AGBL3: variants seen among roughly 807,000 people sequenced by gnomAD.
AGBL3 encodes AGBL carboxypeptidase 3.
AGBL3 carries 68 observed loss-of-function variants against 94.5 expected under a neutral mutation model. That is an observed-to-expected ratio of 0.72 (90% CI 0.59 to 0.88). AGBL3 has a LOEUF of 0.88. AGBL3 is among the 40% of genes least tolerant of loss of function. AGBL3 has a pLI of 0.00. For missense variants in AGBL3, 934 were observed against 1,103.8 expected, an observed-to-expected ratio of 0.85 and a Z score of 2.18; for synonymous variants, 354 against 370.7, an observed-to-expected ratio of 0.95 and a Z score of 0.52.
intron 12 of AGBL3, among the ~76,000 whole-genome samples, chr7:135,073,821 T>C (rs1372659160): frequency 6.6e-6 from 1 of 152,124 alleles, no homozygotes; most frequent in African/African-American, 2.4e-5. Context: ...AATAAGCGAT[T>C]AGGTCAGGGG....
At position 135,110,837 on chromosome 7, in the gene AGBL3, T is replaced by C. The variant is rs528234964; in HGVS notation, c.2111-4543T>C. Among the ~76,000 whole-genome samples the C allele has an allele frequency of 2.4e-4, 37 of 152,308 alleles. 2 individuals are homozygous for C. In the South Asian group the frequency reaches 7.0e-3, roughly 29 times the overall value. On this transcript the variant is annotated intron_variant, in intron 15 of 16. Coordinates refer to ENST00000436302, the MANE Select transcript of AGBL3 (RefSeq NM_178563.4). Reference sequence around the variant, plus strand: ...AAACTCGTTTTGCCTCCTTATCCTTTGACTAAGCCAATGCTGAACAACTGC... The same window carrying C: ...AAACTCGTTTTGCCTCCTTATCCTTCGACTAAGCCAATGCTGAACAACTGC...
At chr7:134,987,798 A>G (rs1809663295) in intron 1 of AGBL3, 77 bp from the exon 2 acceptor site, 5 of 636,148 alleles carry the variant, frequency 7.9e-6, no homozygotes, top group Non-Finnish European at 1.1e-5. Context: ...AATACAATTG[A>G]ATATATTTTT....
intron 4 of AGBL3, chr7:135,009,921 G>A (rs1374625489): frequency 2.7e-6 from 1 of 364,564 alleles, no homozygotes; most frequent in Non-Finnish European, 5.2e-6. Context: ...GCAGACTTTG[G>A]AGCATTTGGT....
intron 15 of AGBL3, among the ~76,000 whole-genome samples, chr7:135,114,661 T>C (rs1024476292): frequency 8.5e-5 from 13 of 152,072 alleles, no homozygotes; most frequent in African/African-American, 3.1e-4. Flanking sequence ...TTCTCACCCT[T>C]CTAGCCATTT....
At chr7:135,016,549 T>C (rs545958226) in intron 4 of AGBL3, among the ~76,000 whole-genome samples, 5 of 152,188 alleles carry the variant, frequency 3.3e-5, no homozygotes, top group African/African-American at 4.8e-5. Context: ...TTTAAGAAAT[T>C]TGATCCTAAA....
intron 4 of AGBL3, chr7:135,011,535 T>C (rs1288591567): frequency 6.6e-6 from 1 of 152,134 alleles, no homozygotes; most frequent in Non-Finnish European, 1.5e-5. Flanking sequence ...ATTTCTGGAA[T>C]ACATAAAGCA....
At chr7:135,123,700 A>G (rs1392625022) in intron 16 of AGBL3, among the ~76,000 whole-genome samples, 1 of 152,214 alleles carries the variant, frequency 6.6e-6, no homozygotes, top group East Asian at 1.9e-4. Context: ...CCCTCTCAGC[A>G]GAAACTCTAC....
intron 15 of AGBL3, among the ~76,000 whole-genome samples, chr7:135,099,234 T>A (rs914491020): frequency 6.6e-6 from 1 of 152,200 alleles, no homozygotes; most frequent in East Asian, 1.9e-4. Context: ...CTGTCTTTCA[T>A]AGATCCTAAC....
intron 15 of AGBL3, among the ~76,000 whole-genome samples, chr7:135,104,060 C>T (rs1585134323): frequency 1.3e-5 from 2 of 152,108 alleles, no homozygotes; most frequent in Admixed American, 1.3e-4. Context: ...GATCCTCTCC[C>T]TCCTCCCACC....
rs746320403 is a variant in AGBL3, at chr7:135,034,912, C to G, written c.1321C>G (p.Arg441Gly). 6.6e-7 allele frequency: 1 copy of G among 1,519,970 alleles called. No individual in the cohort carries two copies. The highest frequency in any genetic ancestry group is 8.8e-7 in the Non-Finnish European group (1 of 1,134,244). The allele number at this position is 1,519,970 out of a possible 1,614,324, so 94.2% of individuals were successfully genotyped here. A position where few individuals can be genotyped will look rare whatever the true frequency, so the allele number is the denominator to read the frequency against. The stretch of plus-strand genomic sequence containing the variant: ...ATCTTTTCCTTCTGTATGGTATACC[C>G]GGAACATGGTTCATAGGTAAAATAA... ...KESFPSVWYT[R>G]NMVHRLMEKR... Residue 441 changes from arginine (R) to glycine (G), a missense_variant, in exon 7 of 17, where the codon CGG becomes GGG. By Grantham distance (125) the Arg-to-Gly change is moderately radical. This residue lies in a region of AGBL3 where 488 missense variants were observed against 563.6 expected (regional missense o/e 0.87). Transcript: ENST00000436302.
intron 16 of AGBL3, among the ~76,000 whole-genome samples, chr7:135,133,261 C>T (rs1829047438): frequency 6.6e-6 from 1 of 152,110 alleles, no homozygotes; most frequent in Non-Finnish European, 1.5e-5. Flanking sequence ...GAAAAGTATA[C>T]AACATGAATA....
chr7:135,029,778 T>C (rs1584887301), intron 5 of AGBL3, among the ~76,000 whole-genome samples: 1 of 152,240 alleles, frequency 6.6e-6, no homozygotes, highest in East Asian at 1.9e-4. Context: ...TTTTGGCTTT[T>C]GATTTAAAGA....
chr7:135,042,634 G>A (rs1028540256), intron 8 of AGBL3, among the ~76,000 whole-genome samples: 4 of 152,122 alleles, frequency 2.6e-5, no homozygotes, highest in Non-Finnish European at 5.9e-5. Context: ...ATGAGGCTGG[G>A]CACAGTGGCC....
chr7:135,045,149 T>G (rs1213415314), intron 9 of AGBL3, among the ~76,000 whole-genome samples: 2 of 152,106 alleles, frequency 1.3e-5, no homozygotes, highest in Non-Finnish European at 2.9e-5. Context: ...GAAAACCTTT[T>G]CTCATAAAAT....
At chr7:135,026,162 A>G (rs75588101) in intron 5 of AGBL3, among the ~76,000 whole-genome samples, 7,316 of 151,616 alleles carry the variant, frequency 0.048, 271 homozygotes, top group Non-Finnish European at 0.079. Context: ...GTCATAAAGC[A>G]AGACTCAATA....
intron 11 of AGBL3, among the ~76,000 whole-genome samples, chr7:135,050,354 C>A (rs1478390333): frequency 1.3e-5 from 2 of 151,894 alleles, no homozygotes; most frequent in Non-Finnish European, 2.9e-5. Flanking sequence ...GACCATGTAG[C>A]CTGCTGCTGT....
intron 8 of AGBL3, among the ~76,000 whole-genome samples, chr7:135,039,772 A>G (rs1006008091): frequency 1.3e-5 from 2 of 151,882 alleles, no homozygotes; most frequent in Admixed American, 6.6e-5. Context: ...TTAGTAATCT[A>G]AGTTTTCACA....
chr7:135,006,695 A>G (rs552080603), intron 4 of AGBL3, among the ~76,000 whole-genome samples: 7 of 152,072 alleles, frequency 4.6e-5, no homozygotes, highest in African/African-American at 1.7e-4. Context: ...AATCTTATGG[A>G]GGAATACTTA....
chr7:134,989,366 A>G, intron 3 of AGBL3, 56 bp downstream of exon 3: 3 of 1,227,446 alleles, frequency 2.4e-6, no homozygotes, highest in Non-Finnish European at 3.4e-6. Flanking sequence ...TGGATAAAAA[A>G]GAAGATGAGG....
Sources: gnomAD v4.1 joint callset for allele counts (sites outside exome capture counted in the v4.1 genomes callset) on GRCh38, gnomAD v4.1.1 for gene constraint, gnomAD v4.1.1 regional missense constraint, MANE v1.5 for transcripts, NCBI Gene and HGNC (gene_info 2026-07-23, HGNC 2026-07-21) for gene names.